Variants in CACNA2D3 observed in about 807,000 individuals in gnomAD.
The protein encoded by CACNA2D3 is voltage-dependent calcium channel subunit alpha-2/delta-3.
A neutral mutation model predicts 160.6 loss-of-function variants in CACNA2D3; 60 were observed. The observed-to-expected ratio is 0.37, with a 90% CI of 0.30 to 0.46. The LOEUF (loss-of-function observed/expected upper bound fraction) is 0.46, where lower values mean the gene tolerates loss of function less well. Among genes scored for constraint, CACNA2D3 ranks in the 20% least tolerant of loss-of-function variants. The pLI is 1.00. For missense variants in CACNA2D3, 1,205 were observed against 1,365.0 expected (o/e 0.88, Z 1.85); for synonymous variants, 558 against 492.9 (o/e 1.13, Z -1.75).
intron 11 of CACNA2D3, among the ~76,000 whole-genome samples, chr3:54,653,684 AG>A (rs1457464046): frequency 6.6e-6 from 1 of 152,236 alleles, no homozygotes; most frequent in Non-Finnish European, 1.5e-5. Flanking sequence ...TTAGGAACGA[AG>A]CCACTGATGC....
intron 11 of CACNA2D3, among the ~76,000 whole-genome samples, chr3:54,664,108 A>G (rs1700022358): frequency 6.6e-6 from 1 of 152,246 alleles, no homozygotes. Context: ...GGCGATGGCA[A>G]AGAGGTTGCA....
intron 5 of CACNA2D3, among the ~76,000 whole-genome samples, chr3:54,533,042 C>T (rs1012113810): frequency 1.3e-5 from 2 of 152,144 alleles, no homozygotes; most frequent in South Asian, 2.1e-4. Context: ...GCATTTCTCT[C>T]ATGATTAGTG....
intron 27 of CACNA2D3, among the ~76,000 whole-genome samples, chr3:54,954,729 T>C (rs1475407838): frequency 6.6e-6 from 1 of 152,296 alleles, no homozygotes; most frequent in Admixed American, 6.5e-5. Flanking sequence ...AAATCCAGAA[T>C]CTGCTTCTTT....
intron 2 of CACNA2D3, among the ~76,000 whole-genome samples, chr3:54,254,595 A>G (rs754502816): frequency 4.6e-5 from 7 of 152,220 alleles, no homozygotes; most frequent in Non-Finnish European, 7.3e-5. Flanking sequence ...TGGAGATGAT[A>G]ATAATGCCTA....
At chr3:54,521,785 A>G (rs1233280467) in intron 5 of CACNA2D3, among the ~76,000 whole-genome samples, 3 of 152,184 alleles carry the variant, frequency 2.0e-5, no homozygotes, top group Admixed American at 1.3e-4. Context: ...GTGGCTCTCC[A>G]GTTGTCTCAG....
intron 26 of CACNA2D3, among the ~76,000 whole-genome samples, chr3:54,897,390 A>G (rs1302518859): frequency 1.3e-5 from 2 of 152,240 alleles, no homozygotes; most frequent in African/African-American, 4.8e-5. Context: ...AGAGTTTATG[A>G]TATGATAGTA....
chr3:54,712,655 T>A (rs1203930652), intron 11 of CACNA2D3, among the ~76,000 whole-genome samples: 1 of 152,190 alleles, frequency 6.6e-6, no homozygotes, highest in African/African-American at 2.4e-5. Context: ...TGCCCAGTCT[T>A]GGGTATGTCT....
chr3:54,498,788 A>G (rs1701243512), intron 4 of CACNA2D3, among the ~76,000 whole-genome samples: 1 of 152,014 alleles, frequency 6.6e-6, no homozygotes, highest in Non-Finnish European at 1.5e-5. Flanking sequence ...ATTATGATTA[A>G]TTTCAAAATA....
chr3:54,933,051 C>CCCTCCCTCCCTCCCTT (rs1366811478), intron 27 of CACNA2D3, among the ~76,000 whole-genome samples: 5 of 139,444 alleles, frequency 3.6e-5, no homozygotes, highest in African/African-American at 1.4e-4. Flanking sequence ...ATCCATCCCT[C>CCCTCCCTCCCTCCCTT]CCTTCCTTCC....
chr3:54,189,219 G>A (rs1559876605), intron 2 of CACNA2D3, among the ~76,000 whole-genome samples: 1 of 152,170 alleles, frequency 6.6e-6, no homozygotes, highest in Non-Finnish European at 1.5e-5. Flanking sequence ...AGTTCCTAGC[G>A]GGACCCAGTG....
At chr3:54,183,952 A>G (rs1204583426) in intron 2 of CACNA2D3, among the ~76,000 whole-genome samples, 2 of 150,068 alleles carry the variant, frequency 1.3e-5, no homozygotes, top group Non-Finnish European at 3.0e-5. Flanking sequence ...TTTGAAGCAA[A>G]GTGGAATTAC....
At chr3:54,591,814 C>T (rs1315018566) in intron 9 of CACNA2D3, among the ~76,000 whole-genome samples, 1 of 151,996 alleles carries the variant, frequency 6.6e-6, no homozygotes, top group Non-Finnish European at 1.5e-5. Context: ...CTGTATAAAC[C>T]TGTGTAGAAC....
At chr3:54,777,527 A>T (rs534707276) in intron 13 of CACNA2D3, among the ~76,000 whole-genome samples, 1 of 152,220 alleles carries the variant, frequency 6.6e-6, no homozygotes, top group South Asian at 2.1e-4. Context: ...ATGCTTTTAA[A>T]TCAATTTTCA....
At chr3:54,459,079 A>G (rs1700451878) in intron 4 of CACNA2D3, among the ~76,000 whole-genome samples, 1 of 152,120 alleles carries the variant, frequency 6.6e-6, no homozygotes, top group African/African-American at 2.4e-5. Context: ...AATTTCATCC[A>G]TGTCCCTACA....
intron 2 of CACNA2D3, among the ~76,000 whole-genome samples, chr3:54,289,342 A>T (rs1254881562): frequency 6.6e-6 from 1 of 152,152 alleles, no homozygotes; most frequent in African/African-American, 2.4e-5. Flanking sequence ...TAGGAATCCA[A>T]CTTACAAGGG....
intron 2 of CACNA2D3, among the ~76,000 whole-genome samples, chr3:54,205,854 T>G (rs1327652346): frequency 6.6e-6 from 1 of 152,174 alleles, no homozygotes; most frequent in Non-Finnish European, 1.5e-5. Context: ...GGTTGCCAGA[T>G]AAGATGCAGG....
chr3:54,997,304 C>T (rs1702879498), intron 31 of CACNA2D3, among the ~76,000 whole-genome samples: 1 of 152,180 alleles, frequency 6.6e-6, no homozygotes, highest in Non-Finnish European at 1.5e-5. Context: ...GCTGTCAAAC[C>T]TGTTTGCACA....
intron 4 of CACNA2D3, among the ~76,000 whole-genome samples, chr3:54,454,686 A>G (rs1700367412): frequency 1.3e-5 from 2 of 152,180 alleles, no homozygotes; most frequent in South Asian, 4.1e-4. Context: ...GCTATGAAAC[A>G]TTAGAACTTA....
intron 2 of CACNA2D3, among the ~76,000 whole-genome samples, chr3:54,264,464 A>G (rs1231433740): frequency 1.3e-5 from 2 of 152,214 alleles, no homozygotes; most frequent in Non-Finnish European, 2.9e-5. Flanking sequence ...GGCTCAGATC[A>G]AGGGAGCATG....
Sources: allele counts gnomAD v4.1 joint callset (sites outside exome capture counted in the v4.1 genomes callset), GRCh38; gene constraint gnomAD v4.1.1; transcripts MANE v1.5; gene names NCBI Gene and HGNC (gene_info 2026-07-23, HGNC 2026-07-21).